Variants in KCNC4 observed in about 807,000 individuals in gnomAD.
KCNC4 encodes voltage-gated potassium channel KCNC4.
Under a neutral mutation model 42.8 loss-of-function variants are expected in KCNC4, and 23 were observed. That is an observed-to-expected ratio of 0.54 (90% confidence interval 0.39 to 0.76). The LOEUF (loss-of-function observed/expected upper bound fraction) is 0.76. Ranked by LOEUF, KCNC4 falls within the 30% of genes least tolerant of loss-of-function variation. The pLI is 0.00. For synonymous variants in KCNC4, 422 were observed against 393.5 expected, an observed-to-expected ratio of 1.07 and a Z score of -0.86; for missense variants, 751 against 898.2, an observed-to-expected ratio of 0.84 and a Z score of 2.10.
At chr1:110,215,009 G>A (rs1657701369) in intron 1 of KCNC4, among the ~76,000 whole-genome samples, 1 of 152,182 alleles carries the variant, frequency 6.6e-6, no homozygotes, top group Non-Finnish European at 1.5e-5. Flanking sequence ...CTCGCTCACA[G>A]CTACCTCCTC....
At chr1:110,231,440 A>G (rs1039603682) in intron 3 of KCNC4, among the ~76,000 whole-genome samples, 6 of 152,110 alleles carry the variant, frequency 3.9e-5, no homozygotes, top group East Asian at 1.9e-4. Context: ...TGGAAAAGCA[A>G]TCTAAGGCCA....
At chr1:110,238,483 A>G (rs577448570), downstream of KCNC4, 8 of 152,318 alleles carry the variant, frequency 5.3e-5, no homozygotes, top group Admixed American at 3.9e-4. Flanking sequence ...TCCAGTTCAG[A>G]AATCCCGTCA....
chr1:110,217,853 T>C (rs1029699646), intron 1 of KCNC4, among the ~76,000 whole-genome samples: 3 of 152,162 alleles, frequency 2.0e-5, no homozygotes, highest in African/African-American at 7.2e-5. Flanking sequence ...AGAGATGCTT[T>C]GTTTGGCAGA....
chr1:110,263,044 C>A (rs1256516148), intron 1 of KCNC4, among the ~76,000 whole-genome samples: 1 of 152,204 alleles, frequency 6.6e-6, no homozygotes, highest in African/African-American at 2.4e-5. Flanking sequence ...GTTTCATGAC[C>A]TGTTTGCATC....
At chr1:110,218,515 C>G (rs1192608768) in intron 1 of KCNC4, among the ~76,000 whole-genome samples, 1 of 151,982 alleles carries the variant, frequency 6.6e-6, no homozygotes, top group Non-Finnish European at 1.5e-5. Context: ...TTTTCATAAC[C>G]CTTAGACCAC....
chr1:110,268,110 A>G (rs1659574300), intron 1 of KCNC4, among the ~76,000 whole-genome samples: 1 of 152,186 alleles, frequency 6.6e-6, no homozygotes, highest in Admixed American at 6.5e-5. Flanking sequence ...GAACTTCCCC[A>G]TATGTATCTG....
intron 1 of KCNC4, among the ~76,000 whole-genome samples, chr1:110,269,606 T>C (rs976575535): frequency 6.6e-6 from 1 of 152,228 alleles, no homozygotes; most frequent in African/African-American, 2.4e-5. Context: ...GCTATAAACA[T>C]TCATGTAGAA....
chr1:110,236,223 A>G (rs1356876042), downstream of KCNC4: 1 of 152,240 alleles, frequency 6.6e-6, no homozygotes, highest in East Asian at 1.9e-4. Context: ...TTTCATGCTT[A>G]TAAAGATGCA....
intron 1 of KCNC4, among the ~76,000 whole-genome samples, chr1:110,255,833 T>A (rs1226939814): frequency 6.6e-6 from 1 of 152,238 alleles, no homozygotes; most frequent in Non-Finnish European, 1.5e-5. Context: ...ACACTGTCTC[T>A]GGAACTTCAT....
Position 110,223,719 on chromosome 1 carries a change from C to A in KCNC4, c.1434C>A (p.Tyr478Ter). The change falls in exon 2 of 4, where the codon TAC (tyrosine) becomes TAA (stop). Residue 478 changes from tyrosine (Y) to a stop codon, truncating the protein, a stop_gained. Transcript: ENST00000438661. LOFTEE classifies it high-confidence loss of function. This position sits in a 1 kb window ranked among gnomAD's most constrained non-coding sequence, Gnocchi z 7.5. ...VPVIVNNFGM[Y>*]YSLAMAKQKL... ...TCATCGTCAACAACTTCGGCATGTA[C>A]TACTCCCTGGCCATGGCCAAGCAGA... 6.2e-7 allele frequency: 1 copy of A among 1,614,154 alleles called. No homozygotes were observed. The highest frequency in any genetic ancestry group is 8.5e-7 in the Non-Finnish European group (1 of 1,180,042).
At chr1:110,260,724 A>C (rs1271355975) in intron 1 of KCNC4, among the ~76,000 whole-genome samples, 1 of 152,180 alleles carries the variant, frequency 6.6e-6, no homozygotes, top group African/African-American at 2.4e-5. Context: ...AGGTCAGGAG[A>C]TCGAGACAAT....
chr1:110,228,451 G>T (rs1043864472), intron 3 of KCNC4: 1 of 152,604 alleles, frequency 6.6e-6, no homozygotes, highest in Admixed American at 6.5e-5. Context: ...ACCAGCCCAG[G>T]GCCACCCGCC....
intron 1 of KCNC4, among the ~76,000 whole-genome samples, chr1:110,271,916 G>T (rs1001047896): frequency 6.6e-6 from 1 of 152,020 alleles, no homozygotes; most frequent in Non-Finnish European, 1.5e-5. Context: ...ACTCACTTAG[G>T]TTATAACACA....
intron 1 of KCNC4, among the ~76,000 whole-genome samples, chr1:110,265,387 TAAAATAAAATAAAATAAAATAAAATAAAA>T (rs1557874031): frequency 2.0e-4 from 27 of 137,482 alleles, no homozygotes; most frequent in Admixed American, 9.1e-4. Context: ...TAAAATAAAA[TAAAATAAAATAAAATAAAATAAAATAAAA>T]TAAAATATTC....
At chr1:110,274,418 GTT>G (rs1659683840) in intron 1 of KCNC4, among the ~76,000 whole-genome samples, 1 of 152,162 alleles carries the variant, frequency 6.6e-6, no homozygotes, top group South Asian at 2.1e-4. Context: ...AATTAATATT[GTT>G]AAAATGACCA....
chr1:110,213,245 G>T (rs1657602687), intron 1 of KCNC4, among the ~76,000 whole-genome samples: 1 of 149,932 alleles, frequency 6.7e-6, no homozygotes, highest in South Asian at 2.1e-4. Context: ...AACTCTGGGG[G>T]CTGGTGTCGG....
chr1:110,252,943 G>T (rs185602004), downstream of KCNC4, among the ~76,000 whole-genome samples: 12 of 152,210 alleles, frequency 7.9e-5, no homozygotes, highest in Admixed American at 3.9e-4. Context: ...GCTTGCCCAA[G>T]GCAAGCAACT....
intron 3 of KCNC4, among the ~76,000 whole-genome samples, chr1:110,231,684 C>G (rs1180315553): frequency 6.6e-6 from 1 of 152,156 alleles, no homozygotes; most frequent in Non-Finnish European, 1.5e-5. Context: ...GAGTACAGGG[C>G]AAGACCACAG....
rs763803707 is a variant in KCNC4 at position 110,223,298 on chromosome 1, C to T, written c.1013C>T (p.Ala338Val). The T allele has an allele frequency of 1.9e-5, 31 of 1,614,060 alleles. No individual in the cohort carries two copies. The highest frequency in any genetic ancestry group is 2.4e-5 in the Non-Finnish European group (28 of 1,180,040). Residue 338 changes from alanine (A) to valine (V), a missense_variant, in exon 2 of 4, where the codon GCG becomes GTG. By Grantham distance (64) the Ala-to-Val change is moderately conservative. Transcript: ENST00000438661. This position sits in a 1 kb window ranked among gnomAD's most constrained non-coding sequence, Gnocchi z 7.5. The stretch of plus-strand genomic sequence containing the variant: ...GGGCTGAGCGGCCTGTCATCCAAGG[C>T]GGCCCGCGACGTGCTGGGCTTCCTG... The part of the protein sequence containing the change: ...EVGLSGLSSK[A>V]ARDVLGFLRV...
Sources: gnomAD v4.1 joint callset for allele counts (sites outside exome capture counted in the v4.1 genomes callset) on GRCh38, gnomAD v4.1.1 for gene constraint, Gnocchi (gnomAD v3.1) non-coding constraint, MANE v1.5 for transcripts, NCBI Gene and HGNC (gene_info 2026-07-23, HGNC 2026-07-21) for gene names.